CIMIP2A: variants seen among roughly 807,000 people sequenced by gnomAD.
CIMIP2A encodes the protein family with sequence similarity 166 member A.
chr9:137,244,744 T>C, the CIMIP2A span: 9 of 1,611,292 alleles, frequency 5.6e-6, no homozygotes, highest in Admixed American at 8.4e-5. Context: ...AGCCTGGGGG[T>C]AGGCAGATGT....
chr9:137,254,416 G>A, the CIMIP2A span, among the ~76,000 whole-genome samples: 1 of 152,208 alleles, frequency 6.6e-6, no homozygotes, highest in East Asian at 1.9e-4. Flanking sequence ...CTCTGCTCAC[G>A]GCTGCACCAC....
At chr9:137,249,448 C>T in the CIMIP2A span, among the ~76,000 whole-genome samples, 1 of 152,228 alleles carries the variant, frequency 6.6e-6, no homozygotes. Context: ...CTGGTAATTC[C>T]CATATTCCCA....
At chr9:137,247,945 G>A in the CIMIP2A span, among the ~76,000 whole-genome samples, 25 of 152,198 alleles carry the variant, frequency 1.6e-4, no homozygotes, top group African/African-American at 6.0e-4. Context: ...TGGTCCGGGA[G>A]GAAGTCCCAT....
At chr9:137,249,988 G>A in the CIMIP2A span, among the ~76,000 whole-genome samples, 33 of 151,888 alleles carry the variant, frequency 2.2e-4, 1 homozygote, top group Admixed American at 1.5e-3. Context: ...GCCCCTATCT[G>A]TGTCTGGAGG....
the CIMIP2A span, chr9:137,252,665 C>G: frequency 1.3e-6 from 2 of 1,543,672 alleles, no homozygotes; most frequent in Middle Eastern, 1.7e-4. Context: ...CTCGCAGTGG[C>G]CCTCGCCAGC....
the CIMIP2A span, chr9:137,251,174 C>T: frequency 8.3e-6 from 7 of 840,772 alleles, no homozygotes; most frequent in Admixed American, 1.3e-4. Context: ...CCCGGGGCAG[C>T]CCCTCCAGGG....
chr9:137,247,818 T>C, the CIMIP2A span: 1 of 1,171,280 alleles, frequency 8.5e-7, no homozygotes. Flanking sequence ...GGGGCCAGCA[T>C]TGTGGGCACC....
At chr9:137,243,669 A>G in the CIMIP2A span, 24 of 1,613,960 alleles carry the variant, frequency 1.5e-5, no homozygotes, top group African/African-American at 4.0e-5. Context: ...GTCCACATCC[A>G]TGCTGTACAG....
chr9:137,244,427 A>G, the CIMIP2A span: 2 of 1,527,976 alleles, frequency 1.3e-6, no homozygotes, highest in South Asian at 1.3e-5. Flanking sequence ...GCATCCCCCT[A>G]CCCCCGACTC....
chr9:137,253,867 A>C, the CIMIP2A span, among the ~76,000 whole-genome samples: 282 of 152,238 alleles, frequency 1.9e-3, 3 homozygotes, highest in East Asian at 0.016. Context: ...GCCCAGCCCC[A>C]CTTCCCCTAG....
chr9:137,247,758 A>G, the CIMIP2A span: 1 of 1,595,914 alleles, frequency 6.3e-7, no homozygotes, highest in South Asian at 1.1e-5. Flanking sequence ...CCCTCCCGGC[A>G]TCCAGCTCCC....
At chr9:137,253,248 C>A in the CIMIP2A span, 1 of 1,604,200 alleles carries the variant, frequency 6.2e-7, no homozygotes, top group East Asian at 2.3e-5. Flanking sequence ...CGCTCTAGAG[C>A]CAGCTGGGCA....
the CIMIP2A span, among the ~76,000 whole-genome samples, chr9:137,247,073 G>A: frequency 1.3e-5 from 2 of 152,080 alleles, no homozygotes; most frequent in Non-Finnish European, 2.9e-5. Flanking sequence ...ATCACTTGAG[G>A]TCAGGAGTTC....
At chr9:137,243,834 A>T in the CIMIP2A span, 1 of 1,584,124 alleles carries the variant, frequency 6.3e-7, no homozygotes, top group Non-Finnish European at 8.7e-7. Flanking sequence ...TGTGCCCAGG[A>T]CCAGCATGGG....
the CIMIP2A span, among the ~76,000 whole-genome samples, chr9:137,254,996 C>T: frequency 2.0e-5 from 3 of 152,216 alleles, no homozygotes; most frequent in African/African-American, 7.2e-5. Context: ...GGAGCTCAAC[C>T]CCCGGCAAAA....
At chr9:137,244,274 G>A in the CIMIP2A span, 8 of 1,613,768 alleles carry the variant, frequency 5.0e-6, no homozygotes, top group East Asian at 1.3e-4. Context: ...CACAGTGGGG[G>A]TTTCTAAACA....
At chr9:137,250,296 G>C in the CIMIP2A span, 2 of 152,332 alleles carry the variant, frequency 1.3e-5, no homozygotes. Flanking sequence ...TCTGTCCAAT[G>C]ACAAGGGCTT....
At chr9:137,251,743 A>G in the CIMIP2A span, 7 of 1,566,390 alleles carry the variant, frequency 4.5e-6, no homozygotes, top group African/African-American at 9.5e-5. Flanking sequence ...TGCAGGCCCA[A>G]GGCATCTGTG....
chr9:137,251,543 G>C, the CIMIP2A span: 1 of 956,900 alleles, frequency 1.0e-6, no homozygotes, highest in Non-Finnish European at 1.6e-6. Context: ...GGCTGGGAGC[G>C]GCCAGGGGCT....
Sources: allele counts gnomAD v4.1 joint callset (sites outside exome capture counted in the v4.1 genomes callset), GRCh38; gene constraint gnomAD v4.1.1; transcripts MANE v1.5; gene names NCBI Gene and HGNC (gene_info 2026-07-23, HGNC 2026-07-21).